The following MTSS1 variants were observed in gnomAD, a reference collection of about 807,000 sequenced individuals.
MTSS1 encodes protein MTSS 1.
A neutral mutation model predicts 79.0 loss-of-function variants in MTSS1; 18 were observed. The ratio of observed to expected loss-of-function variants is 0.23; its 90% CI spans 0.16 to 0.34. The LOEUF is 0.34. Among genes scored for constraint, MTSS1 ranks in the 10% least tolerant of loss-of-function variants. The pLI is 1.00. For missense variants in MTSS1, 815 were observed against 986.2 expected (o/e 0.83, Z 2.33); for synonymous variants, 341 against 368.6 (o/e 0.93, Z 0.86).
At chr8:124,603,762 C>G (rs1029660836) in intron 3 of MTSS1, among the ~76,000 whole-genome samples, 2 of 152,200 alleles carry the variant, frequency 1.3e-5, no homozygotes, top group Non-Finnish European at 2.9e-5. Flanking sequence ...ATTAGAGACC[C>G]TGGTCACACA....
In MTSS1 at chr8:124,727,962, G is replaced by T. The variant is rs753880491; in HGVS notation, c.-7C>A. 22 of 1,608,474 alleles carry T rather than the reference G, an allele frequency of 1.4e-5. No homozygotes were observed. The highest frequency in any genetic ancestry group is 1.7e-5 in the Non-Finnish European group (20 of 1,177,920). On this transcript the variant is annotated 5_prime_UTR_variant, in exon 1 of 14. Coordinates refer to ENST00000518547, the MANE Select transcript of MTSS1 (RefSeq NM_014751.6). The surrounding 1 kb of genome is among the most constrained non-coding windows in gnomAD (Gnocchi z 4.7). Reference sequence around the variant, plus strand: ...TCTCAATCACAGCCTCCATTTTCCCGGCTCCGGCAGGGCGAGGGCACACAC... The same window carrying T: ...TCTCAATCACAGCCTCCATTTTCCCTGCTCCGGCAGGGCGAGGGCACACAC...
intron 1 of MTSS1, among the ~76,000 whole-genome samples, chr8:124,722,308 C>T (rs1833066994): frequency 6.6e-6 from 1 of 152,162 alleles, no homozygotes; most frequent in Non-Finnish European, 1.5e-5. Context: ...AACCCAAATC[C>T]TCCCATTTGC....
intron 3 of MTSS1, among the ~76,000 whole-genome samples, chr8:124,635,266 G>T (rs1359734437): frequency 6.6e-6 from 1 of 152,142 alleles, no homozygotes; most frequent in African/African-American, 2.4e-5. Flanking sequence ...AATAAATACA[G>T]GGAACAGAGT....
intron 3 of MTSS1, among the ~76,000 whole-genome samples, chr8:124,648,215 G>A (rs2134118066): frequency 6.6e-6 from 1 of 152,308 alleles, no homozygotes; most frequent in East Asian, 1.9e-4. Context: ...AAGATTATGA[G>A]TTGATGTTCA....
intron 9 of MTSS1, among the ~76,000 whole-genome samples, chr8:124,563,693 C>T (rs1346405935): frequency 6.6e-6 from 1 of 152,218 alleles, no homozygotes; most frequent in Non-Finnish European, 1.5e-5. Flanking sequence ...CACAATAGCA[C>T]ACTTGGCAAG....
At chr8:124,705,197 G>A (rs573971072) in intron 1 of MTSS1, among the ~76,000 whole-genome samples, 3 of 152,218 alleles carry the variant, frequency 2.0e-5, no homozygotes, top group South Asian at 4.1e-4. Context: ...AGGGCCGGGC[G>A]CCATGGCTCA....
At chr8:124,675,444 G>T (rs937948732) in intron 3 of MTSS1, among the ~76,000 whole-genome samples, 2 of 152,226 alleles carry the variant, frequency 1.3e-5, no homozygotes, top group African/African-American at 4.8e-5. Flanking sequence ...GATGAATAGG[G>T]TGTACCATAT....
chr8:124,591,335 T>C (rs1046140257), intron 3 of MTSS1, 100 bp from the exon 4 acceptor site: 1 of 955,318 alleles, frequency 1.0e-6, no homozygotes, highest in African/African-American at 1.6e-5. Context: ...CACCACATTG[T>C]AAAATATAAG....
chr8:124,727,081 C>T lies in MTSS1; in HGVS notation c.72+803G>A, dbSNP rs1833815859. On this transcript the variant is annotated intron_variant, in intron 1 of 13. Transcript: ENST00000518547. The surrounding 1 kb of genome is among the most constrained non-coding windows in gnomAD (Gnocchi z 4.7). ...AAAAACCAGGGTGTTGTTCCCCGCC[C>T]CCACGCGCGCGCGCGCACACACACA... Among the ~76,000 whole-genome samples the T allele has an allele frequency of 6.6e-6, 1 of 152,140 alleles. No individual in the cohort carries two copies. The highest frequency in any genetic ancestry group is 6.5e-5 in the Admixed American group (1 of 15,272).
At chr8:124,563,841 A>G (rs10099056) in intron 9 of MTSS1, among the ~76,000 whole-genome samples, 62,886 of 152,088 alleles carry the variant, frequency 0.41, 13,203 homozygotes, top group Middle Eastern at 0.45. Flanking sequence ...CAAAAGAAAC[A>G]TGCTCCTGGC....
At chr8:124,598,914 G>T (rs1192889008) in intron 3 of MTSS1, among the ~76,000 whole-genome samples, 1 of 152,138 alleles carries the variant, frequency 6.6e-6, no homozygotes, top group Non-Finnish European at 1.5e-5. Context: ...GACCCAGCTA[G>T]AAAGTGGAGG....
chr8:124,720,537 C>T (rs1222008449), intron 1 of MTSS1, among the ~76,000 whole-genome samples: 1 of 152,208 alleles, frequency 6.6e-6, no homozygotes, highest in East Asian at 1.9e-4. Context: ...AAGGACCCCA[C>T]CCTCTCCTTC....
rs540548150 is a variant in MTSS1 at position 124,686,038 on chromosome 8, T to C, written c.208+13488A>G. On this transcript the variant is annotated intron_variant, in intron 3 of 13. Transcript: ENST00000518547. ...TCATCACAGCTGCCTGGGTTTACAA[T>C]TTATAAAATGCTTTCACAACTATGA... 4.4e-4 allele frequency among the ~76,000 whole-genome samples: 67 copies of C among 152,324 alleles called. No individual in the cohort carries two copies. In the South Asian group the frequency reaches 0.014, roughly 32 times the overall value.
intron 3 of MTSS1, among the ~76,000 whole-genome samples, chr8:124,665,928 T>C (rs57069027): frequency 0.025 from 3,736 of 151,872 alleles, 158 homozygotes; most frequent in African/African-American, 0.085. Context: ...AGTTCCACTC[T>C]ACTGCTGATG....
rs182826148 is a variant in MTSS1, at chr8:124,637,573, G to A, written c.209-46338C>T. Among the ~76,000 whole-genome samples, 121 of 152,320 alleles carry A rather than the reference G, an allele frequency of 7.9e-4. 1 individual carries two copies. The highest frequency in any genetic ancestry group is 1.2e-3 in the Non-Finnish European group (81 of 68,032). On this transcript the variant is annotated intron_variant, in intron 3 of 13. Coordinates refer to ENST00000518547, the MANE Select transcript of MTSS1 (RefSeq NM_014751.6). ...ACTTGCAGAAAGCAGGAGGGAGGGG[G>A]TTAGATCACTCGCAAAACCTTGGCC...
chr8:124,663,185 G>C (rs1432062190), intron 3 of MTSS1, among the ~76,000 whole-genome samples: 3 of 152,158 alleles, frequency 2.0e-5, no homozygotes, highest in Non-Finnish European at 2.9e-5. Context: ...AGTGCCAGCA[G>C]CATGGCCAGA....
At chr8:124,607,040 GT>G (rs1328432156) in intron 3 of MTSS1, among the ~76,000 whole-genome samples, 2 of 152,166 alleles carry the variant, frequency 1.3e-5, no homozygotes, top group Non-Finnish European at 2.9e-5. Context: ...TCAGGATCCT[GT>G]TTTCTAGAAA....
At chr8:124,555,981 G>A in intron 12 of MTSS1, 77 bp from the exon 13 acceptor site, 1 of 1,571,852 alleles carries the variant, frequency 6.4e-7, no homozygotes, top group Middle Eastern at 1.7e-4. Context: ...GCCCCCGTGA[G>A]CACTACATGT....
chr8:124,627,494 C>T (rs2133719807), intron 3 of MTSS1, among the ~76,000 whole-genome samples: 1 of 152,348 alleles, frequency 6.6e-6, no homozygotes, highest in South Asian at 2.1e-4. Context: ...AGGATTCAAA[C>T]TAAGGCTATC....
Sources: gnomAD v4.1 joint callset for allele counts (sites outside exome capture counted in the v4.1 genomes callset) on GRCh38, gnomAD v4.1.1 for gene constraint, Gnocchi (gnomAD v3.1) non-coding constraint, MANE v1.5 for transcripts, NCBI Gene and HGNC (gene_info 2026-07-23, HGNC 2026-07-21) for gene names.